NECTIN1: variants seen among roughly 807,000 people sequenced by gnomAD.
NECTIN1 encodes the protein nectin cell adhesion molecule 1.
In NECTIN1, 23 loss-of-function variants were observed where a neutral mutation model predicts 48.0. The ratio of observed to expected loss-of-function variants is 0.48; its 90% CI spans 0.34 to 0.68. The LOEUF (loss-of-function observed/expected upper bound fraction) is 0.68. Ranked by LOEUF, NECTIN1 falls within the 30% of genes least tolerant of loss-of-function variation. The probability of loss-of-function intolerance (pLI) is 0.01; values close to 1 mark genes in which losing one functional copy is unlikely to be tolerated. For missense variants in NECTIN1, 591 were observed against 709.9 expected (o/e 0.83, Z 1.90); for synonymous variants, 270 against 288.9 (o/e 0.93, Z 0.66).
intron 1 of NECTIN1, among the ~76,000 whole-genome samples, chr11:119,701,388 T>C (rs1865449098): frequency 6.6e-6 from 1 of 152,150 alleles, no homozygotes; most frequent in South Asian, 2.1e-4. Flanking sequence ...ACTGACTCTG[T>C]TTCATTGAAG....
chr11:119,663,672 C>A lies in NECTIN1; in HGVS notation c.*1075G>T, dbSNP rs1864709786. 1 of 985,498 alleles carries A rather than the reference C, an allele frequency of 1.0e-6. No homozygotes were observed. Among genetic ancestry groups the A allele is most frequent in the African/African-American group, 1.7e-5 (1 of 57,346 alleles). The allele number at this position is 985,498 out of a possible 1,614,324, so 61.0% of individuals were successfully genotyped here. A position where few individuals can be genotyped will look rare whatever the true frequency, so the allele number is the denominator to read the frequency against. On this transcript the variant is annotated 3_prime_UTR_variant, in exon 6 of 6. Transcript: ENST00000264025. ...CCTGCAGGTGGATCCCCCTGGGATC[C>A]CAGCCCTGACTAGCCAAAAGAACCA...
At chr11:119,648,098 C>A (rs11821535) in intron 5 of NECTIN1, among the ~76,000 whole-genome samples, 34,581 of 118,584 alleles carry the variant, frequency 0.29, 5,923 homozygotes, top group African/African-American at 0.43. Context: ...AAAGGGAGGA[C>A]GGGTAGAAAT....
At chr11:119,638,618 C>T in intron 7 of NECTIN1, 3 of 989,072 alleles carry the variant, frequency 3.0e-6, no homozygotes, top group Non-Finnish European at 1.6e-6. Flanking sequence ...GGGAACTGGA[C>T]CATGAAGGCG....
chr11:119,711,593 TA>T (rs1237628309), intron 1 of NECTIN1, among the ~76,000 whole-genome samples: 1 of 151,958 alleles, frequency 6.6e-6, no homozygotes, highest in Non-Finnish European at 1.5e-5. Flanking sequence ...AAGTAAATAC[TA>T]AACAACACAG....
intron 1 of NECTIN1, among the ~76,000 whole-genome samples, chr11:119,710,799 A>G (rs930583820): frequency 6.6e-6 from 1 of 152,110 alleles, no homozygotes; most frequent in Non-Finnish European, 1.5e-5. Context: ...CCTGGTGTGG[A>G]GAGTATAATT....
chr11:119,704,201 A>G (rs934153699), intron 1 of NECTIN1, among the ~76,000 whole-genome samples: 1 of 150,722 alleles, frequency 6.6e-6, no homozygotes, highest in Non-Finnish European at 1.5e-5. Flanking sequence ...CTGGGTCTAC[A>G]TCCAGGACCA....
chr11:119,651,967 T>C (rs1426608225), intron 5 of NECTIN1, among the ~76,000 whole-genome samples: 3 of 152,144 alleles, frequency 2.0e-5, no homozygotes, highest in Non-Finnish European at 2.9e-5. Context: ...CAAGGTCACC[T>C]GGTGAGAAGT....
intron 6 of NECTIN1, chr11:119,639,725 T>C: frequency 9.0e-7 from 1 of 1,110,046 alleles, no homozygotes; most frequent in East Asian, 2.5e-5. Context: ...GCCAAAGGGT[T>C]AGTTCCTGGT....
Position 119,727,018 on chromosome 11 carries a change from C to T in NECTIN1, c.79+1457G>A, listed in dbSNP as rs563135500. Reference sequence around the variant, plus strand: ...CCTGTGAGCCCTGGATTTTCCCCACCCCCCACATCGAGCAGGGCAGCACCC... The same window carrying T: ...CCTGTGAGCCCTGGATTTTCCCCACTCCCCACATCGAGCAGGGCAGCACCC... On this transcript the variant is annotated intron_variant, in intron 1 of 5. Transcript: ENST00000264025. The surrounding 1 kb of genome is among the most constrained non-coding windows in gnomAD (Gnocchi z 4.1). 1.2e-4 allele frequency among the ~76,000 whole-genome samples: 18 copies of T among 152,192 alleles called. No individual in the cohort carries two copies. Among genetic ancestry groups the T allele is most frequent in the Middle Eastern group, 3.4e-3 (1 of 294 alleles).
rs558483337 is a variant in NECTIN1, at chr11:119,661,835, C to T, written c.*2912G>A. On this transcript the variant is annotated 3_prime_UTR_variant, in exon 6 of 6. Transcript: ENST00000264025. ...GTGGCCATCTGGCTGTGCATGCATG[C>T]GTGTGTACATGCGTGTACACATGCC... The T allele has an allele frequency of 2.2e-5, 22 of 985,302 alleles. No individual in the cohort carries two copies. The East Asian group carries it at 1.3e-3, about 56-fold the overall frequency. The allele number at this position is 985,302 out of a possible 1,614,324, so 61.0% of individuals were successfully genotyped here. A position where few individuals can be genotyped will look rare whatever the true frequency, so the allele number is the denominator to read the frequency against.
chr11:119,728,071 C>T (rs1187912703), intron 1 of NECTIN1, among the ~76,000 whole-genome samples: 1 of 152,216 alleles, frequency 6.6e-6, no homozygotes, highest in Non-Finnish European at 1.5e-5. Context: ...CCGAGACTGA[C>T]GCCCTCCCCC....
At chr11:119,726,082 G>C (rs1396572604) in intron 1 of NECTIN1, among the ~76,000 whole-genome samples, 1 of 152,180 alleles carries the variant, frequency 6.6e-6, no homozygotes, top group Non-Finnish European at 1.5e-5. Context: ...CAGATTGGGA[G>C]TGTTTTGAAG....
intron 5 of NECTIN1, among the ~76,000 whole-genome samples, chr11:119,648,714 C>CT (rs1156337245): frequency 6.6e-6 from 1 of 152,026 alleles, no homozygotes; most frequent in Non-Finnish European, 1.5e-5. Flanking sequence ...TTAGGGAGGG[C>CT]TGTGGGAGTG....
rs371242217 is a variant in NECTIN1, at chr11:119,677,057, A to G, written c.851+45T>C. 19 of 1,543,970 alleles carry G rather than the reference A, an allele frequency of 1.2e-5. No individual in the cohort carries two copies. In the African/African-American group the frequency reaches 2.3e-4, roughly 19 times the overall value. On this transcript the variant is annotated intron_variant, in intron 4 of 5. Transcript: ENST00000264025. The surrounding 1 kb of genome is among the most constrained non-coding windows in gnomAD (Gnocchi z 5.4). The stretch of plus-strand genomic sequence containing the variant: ...GGTTGCCCCTCATCACCCGTGGTCC[A>G]GTCAGCTGTCTTCCAAGGTGACTGG...
intron 1 of NECTIN1, among the ~76,000 whole-genome samples, chr11:119,707,949 C>T (rs1398348953): frequency 2.0e-5 from 3 of 152,202 alleles, no homozygotes; most frequent in Admixed American, 6.5e-5. Context: ...GAGGAAGGAG[C>T]GTGGAGGAAT....
At position 119,683,331 on chromosome 11, in the gene NECTIN1, G is replaced by A. The variant is rs1176249426; in HGVS notation, c.80-4566C>T. On this transcript the variant is annotated intron_variant, in intron 1 of 5. Transcript: ENST00000264025. This position sits in a 1 kb window ranked among gnomAD's most constrained non-coding sequence, Gnocchi z 4.0. ...ATTAGGTCACCTGCTCAGGGACACA[G>A]AACAGCAGCACCCAGCCCAGTGCTT... 6.6e-6 allele frequency among the ~76,000 whole-genome samples: 1 copy of A among 152,176 alleles called. No individual in the cohort carries two copies. Among genetic ancestry groups the A allele is most frequent in the East Asian group, 1.9e-4 (1 of 5,196 alleles).
At chr11:119,716,872 A>ACG (rs1865751600) in intron 1 of NECTIN1, among the ~76,000 whole-genome samples, 1 of 152,120 alleles carries the variant, frequency 6.6e-6, no homozygotes, top group Non-Finnish European at 1.5e-5. Context: ...GCACGCACGC[A>ACG]CACACACACA....
chr11:119,643,826 G>A (rs1350109390), intron 5 of NECTIN1, among the ~76,000 whole-genome samples: 1 of 152,254 alleles, frequency 6.6e-6, no homozygotes, highest in Non-Finnish European at 1.5e-5. Flanking sequence ...TCAGTGTCGG[G>A]GGGTGGGGGT....
chr11:119,674,738 G>A (rs1049402164), intron 5 of NECTIN1: 15 of 1,611,886 alleles, frequency 9.3e-6, no homozygotes, highest in Admixed American at 1.7e-5. Flanking sequence ...CTTGAGGTAA[G>A]CCTCACTTTC....
Sources: allele counts gnomAD v4.1 joint callset (sites outside exome capture counted in the v4.1 genomes callset), GRCh38; gene constraint gnomAD v4.1.1; non-coding constraint Gnocchi (gnomAD v3.1); transcripts MANE v1.5; gene names NCBI Gene and HGNC (gene_info 2026-07-23, HGNC 2026-07-21).